Variants in CNTNAP4 observed in about 807,000 individuals in gnomAD.
The protein encoded by CNTNAP4 is contactin associated protein family member 4.
A neutral mutation model predicts 148.4 loss-of-function variants in CNTNAP4; 98 were observed. That is an observed-to-expected ratio of 0.66 (90% CI 0.56 to 0.78). CNTNAP4 has a LOEUF of 0.78. Ranked by LOEUF, CNTNAP4 falls within the 30% of genes least tolerant of loss-of-function variation. CNTNAP4 has a pLI of 0.00. For missense variants in CNTNAP4, 1,935 were observed against 1,565.6 expected (o/e 1.24, Z -3.98); for synonymous variants, 730 against 565.1 (o/e 1.29, Z -4.14).
At chr16:76,331,516 T>C (rs75168994) in intron 2 of CNTNAP4, among the ~76,000 whole-genome samples, 1 of 151,512 alleles carries the variant, frequency 6.6e-6, no homozygotes, top group Non-Finnish European at 1.5e-5. Context: ...TTTTTTTTTT[T>C]CTTAGTGATT....
At chr16:76,392,485 C>T (rs1378832766) in intron 3 of CNTNAP4, among the ~76,000 whole-genome samples, 1 of 151,976 alleles carries the variant, frequency 6.6e-6, no homozygotes, top group Non-Finnish European at 1.5e-5. Context: ...CGCAAATCTA[C>T]TTCTTACTTC....
At chr16:76,347,720 CA>C (rs1965026245) in intron 2 of CNTNAP4, among the ~76,000 whole-genome samples, 1 of 151,902 alleles carries the variant, frequency 6.6e-6, no homozygotes, top group Non-Finnish European at 1.5e-5. Flanking sequence ...GAGCTTAATA[CA>C]GCTTCTGAGA....
At chr16:76,549,968 T>A (rs1006467899) in intron 21 of CNTNAP4, among the ~76,000 whole-genome samples, 21 of 152,214 alleles carry the variant, frequency 1.4e-4, no homozygotes, top group African/African-American at 4.3e-4. Context: ...GCTTATCATG[T>A]TCTATGCAGA....
At chr16:76,282,530 G>A (rs915750809) in intron 1 of CNTNAP4, among the ~76,000 whole-genome samples, 4 of 151,854 alleles carry the variant, frequency 2.6e-5, no homozygotes, top group African/African-American at 9.7e-5. Flanking sequence ...TGAGGAAAAT[G>A]TTTTTGATAG....
chr16:76,408,503 C>T (rs946497658), intron 3 of CNTNAP4, among the ~76,000 whole-genome samples: 1 of 150,422 alleles, frequency 6.6e-6, no homozygotes, highest in South Asian at 2.1e-4. Context: ...CAAGCATCAA[C>T]CCCATGGCCT....
intron 3 of CNTNAP4, among the ~76,000 whole-genome samples, chr16:76,369,549 C>G (rs1261174634): frequency 6.6e-6 from 1 of 152,124 alleles, no homozygotes; most frequent in African/African-American, 2.4e-5. Context: ...TGCTTCAGCT[C>G]AAGAAGAGAG....
chr16:76,312,203 A>G (rs1387361317), intron 1 of CNTNAP4, among the ~76,000 whole-genome samples: 2 of 152,148 alleles, frequency 1.3e-5, no homozygotes, highest in Non-Finnish European at 2.9e-5. Flanking sequence ...TGTTTTGTCA[A>G]ATGTTTAACA....
At chr16:76,313,132 G>C (rs949511202) in intron 1 of CNTNAP4, among the ~76,000 whole-genome samples, 11 of 151,960 alleles carry the variant, frequency 7.2e-5, no homozygotes, top group African/African-American at 2.4e-4. Context: ...CCCTTCTTTT[G>C]TTTTAATTCC....
intron 12 of CNTNAP4, among the ~76,000 whole-genome samples, chr16:76,480,410 G>A (rs1199081408): frequency 6.6e-6 from 1 of 152,044 alleles, no homozygotes; most frequent in Non-Finnish European, 1.5e-5. Flanking sequence ...TTTCTACACC[G>A]ATAATTAGAA....
intron 17 of CNTNAP4, among the ~76,000 whole-genome samples, chr16:76,525,073 A>G (rs1375315789): frequency 1.3e-5 from 2 of 152,270 alleles, no homozygotes. Flanking sequence ...AGAGTGAACT[A>G]GTCTGTTAGG....
chr16:76,277,813 T>C (rs779320550), intron 1 of CNTNAP4, 66 bp downstream of exon 1: 2 of 986,240 alleles, frequency 2.0e-6, no homozygotes, highest in South Asian at 2.8e-5. Context: ...ATTCTGTTGG[T>C]TTGATGATGA....
At position 76,355,491 on chromosome 16, in the gene CNTNAP4, C is replaced by T. The variant is rs544543954; in HGVS notation, c.370C>T (p.Arg124Cys). 61 of 1,608,578 alleles carry T rather than the reference C, an allele frequency of 3.8e-5. No homozygotes were observed. Among genetic ancestry groups the T allele is most frequent in the African/African-American group, 5.4e-5 (4 of 74,584 alleles). The part of the protein sequence containing the change: ...SDSGWNWKQY[R>C]QEDSIWGFSG... ...TAGTGGCTGGAACTGGAAACAATAT[C>T]GCCAAGAGGACAGCATCTGGGTATG... Residue 124 changes from arginine (R) to cysteine (C), a missense_variant, in exon 3 of 24, where the codon CGC becomes TGC. Coordinates refer to ENST00000611870, the MANE Select transcript of CNTNAP4 (RefSeq NM_033401.5).
At chr16:76,339,470 C>T (rs377316963) in intron 2 of CNTNAP4, among the ~76,000 whole-genome samples, 1 of 151,808 alleles carries the variant, frequency 6.6e-6, no homozygotes, top group Non-Finnish European at 1.5e-5. Flanking sequence ...TAATATTCAG[C>T]AAATACTCAT....
At chr16:76,316,300 T>C (rs368913780) in intron 1 of CNTNAP4, 113 bp from the exon 2 acceptor site, 1 of 739,988 alleles carries the variant, frequency 1.4e-6, no homozygotes, top group South Asian at 1.5e-5. Context: ...TTTTTAGAGA[T>C]CTTAGATCCT....
intron 3 of CNTNAP4, among the ~76,000 whole-genome samples, chr16:76,397,278 C>T (rs1236906661): frequency 1.3e-5 from 2 of 151,840 alleles, no homozygotes; most frequent in Admixed American, 1.3e-4. Flanking sequence ...AAAAAATGAA[C>T]AATGAGAACT....
chr16:76,476,099 T>C, intron 11 of CNTNAP4, 54 bp downstream of exon 11: 3 of 1,249,832 alleles, frequency 2.4e-6, no homozygotes, highest in Non-Finnish European at 3.5e-6. Context: ...CTTTGTCCCA[T>C]TTCCCTTTTC....
At position 76,559,544 on chromosome 16, in the gene CNTNAP4, G is replaced by T. The variant is rs1009426031; in HGVS notation, c.*861G>T. 6.6e-6 allele frequency among the ~76,000 whole-genome samples: 1 copy of T among 151,890 alleles called. No individual in the cohort carries two copies. The highest frequency in any genetic ancestry group is 1.5e-5 in the Non-Finnish European group (1 of 67,976). Reference sequence around the variant, plus strand: ...TATATTAAAAAAAATTCTTAACACAGCAAAAAATTATTATTTAATTTACAA... The same window carrying T: ...TATATTAAAAAAAATTCTTAACACATCAAAAAATTATTATTTAATTTACAA... On this transcript the variant is annotated 3_prime_UTR_variant, in exon 24 of 24. Transcript: ENST00000611870.
chr16:76,427,087 C>G (rs980348491), intron 3 of CNTNAP4, among the ~76,000 whole-genome samples: 2 of 152,048 alleles, frequency 1.3e-5, no homozygotes, highest in African/African-American at 4.8e-5. Flanking sequence ...GTTTTTCAAC[C>G]CTTGGAGAAT....
chr16:76,443,413 A>G (rs2080118473), intron 4 of CNTNAP4, among the ~76,000 whole-genome samples: 1 of 152,160 alleles, frequency 6.6e-6, no homozygotes, highest in South Asian at 2.1e-4. Flanking sequence ...GAGAAACTCC[A>G]TTTCTGCCAA....
Sources: gnomAD v4.1 joint callset for allele counts (sites outside exome capture counted in the v4.1 genomes callset) on GRCh38, gnomAD v4.1.1 for gene constraint, MANE v1.5 for transcripts, NCBI Gene and HGNC (gene_info 2026-07-23, HGNC 2026-07-21) for gene names.